PKP2: variants seen among roughly 807,000 people sequenced by gnomAD.
PKP2 encodes the protein plakophilin-2.
Under a neutral mutation model 83.4 loss-of-function variants are expected in PKP2, and 73 were observed. The observed-to-expected ratio is 0.88, with a 90% CI of 0.72 to 1.06. The LOEUF is 1.06. Among genes scored for constraint, PKP2 ranks in the 50% least tolerant of loss-of-function variants. The pLI is 0.00. For synonymous variants in PKP2, 409 were observed against 430.4 expected (o/e 0.95, Z 0.62); for missense variants, 966 against 1,065.4 (o/e 0.91, Z 1.30).
At chr12:32,872,785 G>A (rs549208251) in intron 3 of PKP2, among the ~76,000 whole-genome samples, 107 of 152,270 alleles carry the variant, frequency 7.0e-4, no homozygotes, top group Non-Finnish European at 1.2e-3. Context: ...GCTTTGGAAA[G>A]ATGACTCTGG....
chr12:32,809,624 C>T (rs974763961), intron 9 of PKP2, among the ~76,000 whole-genome samples: 5 of 152,196 alleles, frequency 3.3e-5, no homozygotes, highest in Admixed American at 2.6e-4. Flanking sequence ...AATTCCGGGG[C>T]CGGAGTATGT....
intron 6 of PKP2, among the ~76,000 whole-genome samples, 170 bp downstream of exon 6, chr12:32,840,858 A>G (rs957392552): frequency 6.6e-6 from 1 of 152,162 alleles, no homozygotes; most frequent in African/African-American, 2.4e-5. Flanking sequence ...AGCCTGGGCA[A>G]CAGAGCGAGA....
At chr12:32,818,961 T>A (rs1385705414) in intron 9 of PKP2, among the ~76,000 whole-genome samples, 1 of 152,108 alleles carries the variant, frequency 6.6e-6, no homozygotes, top group East Asian at 1.9e-4. Context: ...GTCAAAATTT[T>A]AAAAAGCATC....
chr12:32,878,638 G>A (rs1241197193), intron 2 of PKP2, 95 bp from the exon 3 acceptor site: 8 of 1,016,362 alleles, frequency 7.9e-6, no homozygotes, highest in East Asian at 2.4e-5. Flanking sequence ...CAACATGTCC[G>A]TTTCTCTGAA....
At chr12:32,894,998 A>T (rs1050580261) in intron 1 of PKP2, among the ~76,000 whole-genome samples, 1 of 152,196 alleles carries the variant, frequency 6.6e-6, no homozygotes, top group South Asian at 2.1e-4. Context: ...GAGGCTTAGC[A>T]TCTAACAAAT....
At chr12:32,805,623 G>A (rs1956219660) in intron 9 of PKP2, among the ~76,000 whole-genome samples, 1 of 152,158 alleles carries the variant, frequency 6.6e-6, no homozygotes, top group Non-Finnish European at 1.5e-5. Context: ...TAGGTGTGCA[G>A]TCTTAATTTC....
At chr12:32,876,155 C>T (rs547920580) in intron 3 of PKP2, among the ~76,000 whole-genome samples, 107 of 152,240 alleles carry the variant, frequency 7.0e-4, no homozygotes, top group African/African-American at 2.6e-3. Flanking sequence ...ACACCACCCA[C>T]AGGTTGAGTA....
At chr12:32,884,285 C>T (rs933753097) in intron 1 of PKP2, among the ~76,000 whole-genome samples, 2 of 152,120 alleles carry the variant, frequency 1.3e-5, no homozygotes, top group Non-Finnish European at 2.9e-5. Flanking sequence ...GAAATCCCGT[C>T]TCTACTAAAA....
intron 4 of PKP2, among the ~76,000 whole-genome samples, chr12:32,856,527 C>T (rs1956749069): frequency 6.6e-6 from 1 of 152,018 alleles, no homozygotes; most frequent in African/African-American, 2.4e-5. Flanking sequence ...ACCCCATGTT[C>T]TCACTCATAG....
intron 4 of PKP2, among the ~76,000 whole-genome samples, chr12:32,861,822 A>G (rs1313278917): frequency 6.6e-6 from 1 of 152,244 alleles, no homozygotes; most frequent in Non-Finnish European, 1.5e-5. Flanking sequence ...ATGGAGGAAG[A>G]AAGATAAGGA....
At chr12:32,830,993 A>G (rs1426460142) in intron 6 of PKP2, among the ~76,000 whole-genome samples, 4 of 152,150 alleles carry the variant, frequency 2.6e-5, no homozygotes, top group East Asian at 1.9e-4. Flanking sequence ...GCCAGTAATC[A>G]TCTGGCTGGT....
At chr12:32,812,112 GTT>G (rs10581524) in intron 9 of PKP2, among the ~76,000 whole-genome samples, 65,026 of 126,818 alleles carry the variant, frequency 0.51, 17,181 homozygotes, top group Non-Finnish European at 0.64. Context: ...AGCTGGGAGG[GTT>G]TTTTTTTTTT....
chr12:32,855,284 C>T (rs73303649), intron 4 of PKP2, among the ~76,000 whole-genome samples: 2,856 of 152,146 alleles, frequency 0.019, 68 homozygotes, highest in African/African-American at 0.065. Context: ...GAGGTATCCA[C>T]GGGAGAGGCA....
At chr12:32,866,896 GC>G (rs199672748) in intron 4 of PKP2, among the ~76,000 whole-genome samples, 2,196 of 152,262 alleles carry the variant, frequency 0.014, 26 homozygotes, top group Non-Finnish European at 0.022. Flanking sequence ...ATTTGTAATA[GC>G]CAAAACTTCT....
At chr12:32,797,722 A>AT (rs1282777531) in intron 10 of PKP2, among the ~76,000 whole-genome samples, 1 of 151,292 alleles carries the variant, frequency 6.6e-6, no homozygotes, top group Non-Finnish European at 1.5e-5. Flanking sequence ...CGCCGGGCTA[A>AT]TTTTTTTGTA....
chr12:32,857,008 C>T (rs1956755832), intron 4 of PKP2, among the ~76,000 whole-genome samples: 1 of 152,310 alleles, frequency 6.6e-6, no homozygotes, highest in South Asian at 2.1e-4. Context: ...AATTAGGGTG[C>T]TGGGATTCAA....
At chr12:32,822,944 T>C (rs1029778885) in intron 7 of PKP2, among the ~76,000 whole-genome samples, 1 of 152,148 alleles carries the variant, frequency 6.6e-6, no homozygotes, top group Non-Finnish European at 1.5e-5. Context: ...GGGGAGGAGA[T>C]ACTGTTTATA....
intron 3 of PKP2, among the ~76,000 whole-genome samples, chr12:32,872,678 C>A (rs11611761): frequency 0.14 from 21,709 of 152,168 alleles, 1,681 homozygotes; most frequent in Middle Eastern, 0.22. Flanking sequence ...GAAGGCAAAG[C>A]AAACATAAAA....
intron 5 of PKP2, among the ~76,000 whole-genome samples, chr12:32,841,517 A>T (rs1956592460): frequency 6.6e-6 from 1 of 152,230 alleles, no homozygotes; most frequent in African/African-American, 2.4e-5. Context: ...GGGCCCTACC[A>T]CAAAGCTGAC....
Sources: gnomAD v4.1 joint callset for allele counts (sites outside exome capture counted in the v4.1 genomes callset) on GRCh38, gnomAD v4.1.1 for gene constraint, MANE v1.5 for transcripts, NCBI Gene and HGNC (gene_info 2026-07-23, HGNC 2026-07-21) for gene names.